HMCN1: variants seen among roughly 807,000 people sequenced by gnomAD.
The protein encoded by HMCN1 is hemicentin 1.
HMCN1 carries 321 observed loss-of-function variants against 625.9 expected under a neutral mutation model. The ratio of observed to expected loss-of-function variants is 0.51; its 90% CI spans 0.47 to 0.56. The LOEUF (loss-of-function observed/expected upper bound fraction) is 0.56. HMCN1 is among the 20% of genes least tolerant of loss of function. The probability of loss-of-function intolerance (pLI) is 0.00; values close to 1 mark genes in which losing one functional copy is unlikely to be tolerated. For missense variants in HMCN1, 6,588 were observed against 6,887.3 expected (o/e 0.96, Z 1.54); for synonymous variants, 2,425 against 2,417.6 (o/e 1.00, Z -0.09).
chr1:186,000,987 G>C (rs1653158196), intron 26 of HMCN1, among the ~76,000 whole-genome samples: 1 of 151,938 alleles, frequency 6.6e-6, no homozygotes, highest in Non-Finnish European at 1.5e-5. Flanking sequence ...TGAGTCTCAT[G>C]TGACTTAATT....
chr1:186,069,787 A>T lies in HMCN1; in HGVS notation c.7993+11A>T. 6.4e-7 allele frequency: 1 copy of T among 1,552,842 alleles called. No individual in the cohort carries two copies. The highest frequency in any genetic ancestry group is 1.1e-5 in the South Asian group (1 of 88,794). On this transcript the variant is annotated intron_variant, in intron 51 of 106. Transcript: ENST00000271588. Reference sequence around the variant, plus strand: ...AAGTGAAGGTGTACAGTAAGTTCTGAAAGAATACTATGTTTCATAGCTTCC... The same window carrying T: ...AAGTGAAGGTGTACAGTAAGTTCTGTAAGAATACTATGTTTCATAGCTTCC...
chr1:185,971,513 TA>T (rs768944968), intron 15 of HMCN1, among the ~76,000 whole-genome samples: 3 of 152,252 alleles, frequency 2.0e-5, no homozygotes, highest in Non-Finnish European at 4.4e-5. Context: ...ACTTAGAACT[TA>T]TAAAATATGA....
At chr1:185,758,115 CA>C (rs1655251847) in intron 1 of HMCN1, among the ~76,000 whole-genome samples, 1 of 152,150 alleles carries the variant, frequency 6.6e-6, no homozygotes, top group South Asian at 2.1e-4. Context: ...GCAATCGTGT[CA>C]TTTGGACTGT....
At chr1:185,804,114 T>A (rs796817210) in intron 1 of HMCN1, among the ~76,000 whole-genome samples, 29 of 152,202 alleles carry the variant, frequency 1.9e-4, no homozygotes, top group East Asian at 5.8e-4. Context: ...CAGATTTTTT[T>A]AAAATTTTCA....
At position 186,171,431 on chromosome 1, in the gene HMCN1, C is replaced by G. The variant is rs1571459156; in HGVS notation, c.15669C>G (p.Leu5223=). The change falls in exon 101 of 107, where the codon CTC becomes CTG. Residue 5223 remains leucine (L), a synonymous_variant. Coordinates refer to ENST00000271588, the MANE Select transcript of HMCN1 (RefSeq NM_031935.3). ...GTGGATGTGAACCTGGGTATCAGCT[C>G]AAAGGCAGAAAATGCATGGGTAAGA... ...FHCGCEPGYQ[L]KGRKCMDVNE... The G allele has an allele frequency of 6.2e-7, 1 of 1,612,884 alleles. No individual in the cohort carries two copies. Among genetic ancestry groups the G allele is most frequent in the South Asian group, 1.1e-5 (1 of 91,026 alleles).
chr1:186,128,786 C>G (rs142336716), intron 83 of HMCN1, among the ~76,000 whole-genome samples: 5 of 152,006 alleles, frequency 3.3e-5, no homozygotes, highest in African/African-American at 1.2e-4. Flanking sequence ...GTGTCTGGAA[C>G]CCAGGAGCAC....
intron 47 of HMCN1, among the ~76,000 whole-genome samples, 176 bp from the exon 48 acceptor site, chr1:186,062,338 A>T (rs1657757957): frequency 6.6e-6 from 1 of 152,210 alleles, no homozygotes; most frequent in South Asian, 2.1e-4. Flanking sequence ...TGGATTTATG[A>T]CTTTAAAAGT....
In HMCN1 at chr1:186,117,636, T is replaced by C; in HGVS notation, c.11848+13T>C. The C allele has an allele frequency of 6.2e-7, 1 of 1,609,144 alleles. No individual in the cohort carries two copies. On this transcript the variant is annotated intron_variant, in intron 77 of 106. Transcript: ENST00000271588. Reference sequence around the variant, plus strand: ...ATTCTGTCCTCAGGTAAGACCAAGCTCAGTGATTTCACATCTATTGATTGT... The same window carrying C: ...ATTCTGTCCTCAGGTAAGACCAAGCCCAGTGATTTCACATCTATTGATTGT...
At chr1:186,058,819 G>T (rs1657507232) in intron 46 of HMCN1, among the ~76,000 whole-genome samples, 1 of 151,838 alleles carries the variant, frequency 6.6e-6, no homozygotes, top group Non-Finnish European at 1.5e-5. Flanking sequence ...TTTTCCTAGT[G>T]CTGGAATTAG....
intron 36 of HMCN1, among the ~76,000 whole-genome samples, chr1:186,028,157 C>T (rs1432129098): frequency 6.6e-6 from 1 of 151,992 alleles, no homozygotes; most frequent in Non-Finnish European, 1.5e-5. Flanking sequence ...TCATGACCTG[C>T]GTGATTGAAG....
At chr1:185,920,199 C>T (rs1666932369) in intron 6 of HMCN1, among the ~76,000 whole-genome samples, 1 of 152,102 alleles carries the variant, frequency 6.6e-6, no homozygotes, top group Admixed American at 6.5e-5. Context: ...TAATACTAAG[C>T]TGTTTTAAAA....
chr1:185,768,634 C>A (rs1009894034), intron 1 of HMCN1, among the ~76,000 whole-genome samples: 1 of 152,196 alleles, frequency 6.6e-6, no homozygotes. Flanking sequence ...TAATCACACA[C>A]TCTCAAAGTC....
At position 186,115,247 on chromosome 1, in the gene HMCN1, C is replaced by T. The variant is rs1042940025; in HGVS notation, c.11405-11C>T. On this transcript the variant is annotated splice_polypyrimidine_tract_variant and intron_variant, in intron 74 of 106. Coordinates refer to ENST00000271588, the MANE Select transcript of HMCN1 (RefSeq NM_031935.3). ...ACTGTGTTTCCTTCTTATTTGGTGA[C>T]ATTGTCTTAGTTCCTCCATCTATTG... 1.2e-6 allele frequency: 2 copies of T among 1,613,804 alleles called. No individual in the cohort carries two copies. Among genetic ancestry groups the T allele is most frequent in the East Asian group, 2.2e-5 (1 of 44,858 alleles).
chr1:186,183,171 T>C (rs1387499693), intron 105 of HMCN1, among the ~76,000 whole-genome samples: 1 of 152,224 alleles, frequency 6.6e-6, no homozygotes, highest in African/African-American at 2.4e-5. Context: ...TTGTAAAGTA[T>C]AGCAAATAAA....
intron 1 of HMCN1, among the ~76,000 whole-genome samples, chr1:185,808,812 C>T (rs1293065951): frequency 6.6e-6 from 1 of 152,122 alleles, no homozygotes; most frequent in Non-Finnish European, 1.5e-5. Context: ...CTTTCTTTGA[C>T]TATTAATAAT....
At chr1:185,809,100 A>C (rs114731052) in intron 1 of HMCN1, among the ~76,000 whole-genome samples, 1 of 152,284 alleles carries the variant, frequency 6.6e-6, no homozygotes, top group African/African-American at 2.4e-5. Context: ...AGGACATATA[A>C]GCACTTTATT....
chr1:185,882,192 A>G (rs1260344678), intron 4 of HMCN1, among the ~76,000 whole-genome samples: 1 of 152,208 alleles, frequency 6.6e-6, no homozygotes, highest in Admixed American at 6.5e-5. Flanking sequence ...TTATGGGGCT[A>G]GCTGCATTGA....
At chr1:185,900,330 C>T (rs1571529151) in intron 4 of HMCN1, among the ~76,000 whole-genome samples, 1 of 151,988 alleles carries the variant, frequency 6.6e-6, no homozygotes, top group South Asian at 2.1e-4. Context: ...TATCTGGCAA[C>T]TGCTGAATAT....
chr1:186,075,379 GAATAAATA>G (rs547780873), intron 53 of HMCN1, among the ~76,000 whole-genome samples: 1 of 151,714 alleles, frequency 6.6e-6, no homozygotes, highest in Admixed American at 6.6e-5. Flanking sequence ...ATGAAAGTTG[GAATAAATA>G]AATAAATAAA....
Sources: allele counts gnomAD v4.1 joint callset (sites outside exome capture counted in the v4.1 genomes callset), GRCh38; gene constraint gnomAD v4.1.1; transcripts MANE v1.5; gene names NCBI Gene and HGNC (gene_info 2026-07-23, HGNC 2026-07-21).